The following CLVS1 variants were observed in gnomAD, a reference collection of about 807,000 sequenced individuals.
CLVS1 encodes clavesin-1.
A neutral mutation model predicts 33.1 loss-of-function variants in CLVS1; 10 were observed. The ratio of observed to expected loss-of-function variants is 0.30; its 90% CI spans 0.19 to 0.51. The LOEUF is 0.51. Ranked by LOEUF, CLVS1 falls within the 20% of genes least tolerant of loss-of-function variation. The pLI is 0.97. For synonymous variants in CLVS1, 163 were observed against 166.1 expected, an observed-to-expected ratio of 0.98 and a Z score of 0.14; for missense variants, 343 against 433.4, an observed-to-expected ratio of 0.79 and a Z score of 1.85.
At chr8:61,006,857 CT>C in the CLVS1 span, among the ~76,000 whole-genome samples, 1 of 152,116 alleles carries the variant, frequency 6.6e-6, no homozygotes, top group Admixed American at 6.5e-5. Flanking sequence ...TAAAAAATGC[CT>C]TTGTATCTCA....
intron 2 of CLVS1, among the ~76,000 whole-genome samples, chr8:61,269,448 T>C (rs374788381): frequency 5.9e-5 from 9 of 151,870 alleles, no homozygotes; most frequent in East Asian, 1.9e-4. Context: ...AGTCAGGTAG[T>C]GTGATGCCTC....
intron 1 of CLVS1, among the ~76,000 whole-genome samples, chr8:61,122,341 A>G (rs1246658600): frequency 6.6e-6 from 1 of 152,196 alleles, no homozygotes; most frequent in African/African-American, 2.4e-5. Flanking sequence ...GCAGGATAGT[A>G]AATAATTCAA....
Position 61,382,920 on chromosome 8 carries a change from T to C in CLVS1, c.630+6141T>C, listed in dbSNP as rs534470260. ...GTGAAATGTGGTGTCAGTACCCTCC[T>C]CAGAGGTTTATGGTGAAAATCAAAT... On this transcript the variant is annotated intron_variant, in intron 3 of 5. Transcript: ENST00000325897. Among the ~76,000 whole-genome samples the C allele has an allele frequency of 3.9e-5, 6 of 152,300 alleles. No homozygotes were observed. In the South Asian group the frequency reaches 1.0e-3, roughly 26 times the overall value.
At chr8:61,419,524 G>A (rs545425428) in intron 3 of CLVS1, among the ~76,000 whole-genome samples, 240 of 152,132 alleles carry the variant, frequency 1.6e-3, no homozygotes, top group Non-Finnish European at 3.0e-3. Flanking sequence ...GCAAAAAATT[G>A]CTGACATGCT....
intron 3 of CLVS1, among the ~76,000 whole-genome samples, chr8:61,419,412 A>T (rs1356800513): frequency 6.6e-6 from 1 of 151,864 alleles, no homozygotes; most frequent in African/African-American, 2.4e-5. Context: ...AAAAAAAAAA[A>T]AAAATATTTA....
chr8:61,395,650 G>C (rs1362824526), intron 3 of CLVS1, among the ~76,000 whole-genome samples: 1 of 152,140 alleles, frequency 6.6e-6, no homozygotes, highest in Non-Finnish European at 1.5e-5. Flanking sequence ...CACACATGGA[G>C]TTTCTGATTC....
chr8:61,243,874 C>T (rs971918371), intron 2 of CLVS1, among the ~76,000 whole-genome samples: 1 of 152,094 alleles, frequency 6.6e-6, no homozygotes, highest in Non-Finnish European at 1.5e-5. Context: ...GTTTAATTTG[C>T]TGTTTCTTCT....
At chr8:61,156,090 T>C (rs901182422) in intron 2 of CLVS1, among the ~76,000 whole-genome samples, 6 of 151,950 alleles carry the variant, frequency 3.9e-5, no homozygotes, top group Non-Finnish European at 7.4e-5. Flanking sequence ...GGTGGGTGCT[T>C]GTAATCCCAG....
At chr8:61,029,494 C>T in the CLVS1 span, among the ~76,000 whole-genome samples, 1 of 152,140 alleles carries the variant, frequency 6.6e-6, no homozygotes, top group Non-Finnish European at 1.5e-5. Context: ...CTTCCTTAAC[C>T]CCTTTCTGCC....
chr8:61,239,911 G>A (rs1053943540), intron 2 of CLVS1, among the ~76,000 whole-genome samples: 13 of 152,102 alleles, frequency 8.5e-5, no homozygotes, highest in African/African-American at 2.4e-5. Context: ...GACTCAGAGG[G>A]GTGGGTACCA....
intron 2 of CLVS1, among the ~76,000 whole-genome samples, chr8:61,361,219 G>C (rs1399094955): frequency 6.6e-6 from 1 of 152,072 alleles, no homozygotes; most frequent in Non-Finnish European, 1.5e-5. Flanking sequence ...TCCAACAATT[G>C]GGATTACAAT....
chr8:61,084,534 A>T (rs181149868), intron 1 of CLVS1, among the ~76,000 whole-genome samples: 1 of 152,352 alleles, frequency 6.6e-6, no homozygotes, highest in African/African-American at 2.4e-5. Flanking sequence ...AAGGCACAGG[A>T]TAGCTCCTCA....
At chr8:61,246,168 T>A (rs980489822) in intron 2 of CLVS1, among the ~76,000 whole-genome samples, 1 of 50,236 alleles carries the variant, frequency 2.0e-5, no homozygotes, top group Non-Finnish European at 3.4e-5. Context: ...CCTTCCCAAC[T>A]TTTTTTTTTT....
chr8:61,119,957 C>G (rs1250914716), intron 1 of CLVS1, among the ~76,000 whole-genome samples: 3 of 142,250 alleles, frequency 2.1e-5, no homozygotes, highest in Admixed American at 1.4e-4. Flanking sequence ...GGATAATATC[C>G]TGCAGAGTGT....
intron 2 of CLVS1, among the ~76,000 whole-genome samples, chr8:61,185,766 T>C (rs1807333272): frequency 6.6e-6 from 1 of 152,172 alleles, no homozygotes; most frequent in Non-Finnish European, 1.5e-5. Flanking sequence ...TCTTAGGCTA[T>C]TAGTAATATC....
intron 5 of CLVS1, among the ~76,000 whole-genome samples, chr8:61,475,199 C>G (rs377248823): frequency 3.9e-5 from 6 of 152,048 alleles, no homozygotes; most frequent in Non-Finnish European, 8.8e-5. Context: ...TCTATCATTG[C>G]TGGACATTTG....
At chr8:61,355,984 G>A (rs1473523730) in intron 2 of CLVS1, among the ~76,000 whole-genome samples, 3 of 152,168 alleles carry the variant, frequency 2.0e-5, no homozygotes, top group East Asian at 1.9e-4. Flanking sequence ...CTGAGGAATC[G>A]CCACACTGAC....
chr8:60,992,800 C>T, the CLVS1 span, among the ~76,000 whole-genome samples: 7 of 152,104 alleles, frequency 4.6e-5, no homozygotes, highest in African/African-American at 1.7e-4. Context: ...AAGAGCAAGA[C>T]ATGACCCGTG....
At chr8:61,115,121 T>C (rs1805694096) in intron 1 of CLVS1, among the ~76,000 whole-genome samples, 1 of 152,230 alleles carries the variant, frequency 6.6e-6, no homozygotes, top group Non-Finnish European at 1.5e-5. Context: ...GCAAAAATTT[T>C]AGCAAGACAG....
Sources: allele counts gnomAD v4.1 joint callset (sites outside exome capture counted in the v4.1 genomes callset), GRCh38; gene constraint gnomAD v4.1.1; transcripts MANE v1.5; gene names NCBI Gene and HGNC (gene_info 2026-07-23, HGNC 2026-07-21).